RAB8B: variants seen among roughly 807,000 people sequenced by gnomAD.
RAB8B encodes RAB8B, member RAS oncogene family.
RAB8B carries 11 observed loss-of-function variants against 32.0 expected under a neutral mutation model. The ratio of observed to expected loss-of-function variants is 0.34; its 90% CI spans 0.22 to 0.57. RAB8B has a LOEUF of 0.57. Ranked by LOEUF, RAB8B falls within the 20% of genes least tolerant of loss-of-function variation. The probability of loss-of-function intolerance (pLI) is 0.86; values close to 1 mark genes in which losing one functional copy is unlikely to be tolerated. For missense variants in RAB8B, 190 were observed against 258.5 expected (o/e 0.73, Z 1.82); for synonymous variants, 103 against 89.6 (o/e 1.15, Z -0.85).
Position 63,263,661 on chromosome 15 carries a change from T to G in RAB8B, c.*42T>G. On this transcript the variant is annotated 3_prime_UTR_variant, in exon 8 of 8. Coordinates refer to ENST00000321437, the MANE Select transcript of RAB8B (RefSeq NM_016530.3). ...GACTGCAGCACACCTAGAGGGCCCT[T>G]TCCTGCTTCTCTGAAAGCACAGGTC... 9.2e-5 allele frequency: 128 copies of G among 1,390,838 alleles called. No homozygotes were observed. Among genetic ancestry groups the G allele is most frequent in the Middle Eastern group, 1.8e-4 (1 of 5,616 alleles). The allele number at this position is 1,390,838 out of a possible 1,614,324, so 86.2% of individuals were successfully genotyped here.
intron 3 of RAB8B, among the ~76,000 whole-genome samples, chr15:63,250,021 A>C (rs2038103721): frequency 6.6e-6 from 1 of 152,116 alleles, no homozygotes; most frequent in South Asian, 2.1e-4. Context: ...CTGTAGTCCC[A>C]GCTACTCGGG....
intron 2 of RAB8B, among the ~76,000 whole-genome samples, chr15:63,245,753 A>G (rs1382458332): frequency 6.6e-6 from 1 of 152,254 alleles, no homozygotes; most frequent in African/African-American, 2.4e-5. Context: ...GGATTTTGGA[A>G]TATGTGCATA....
Position 63,259,385 on chromosome 15 carries a change from C to G in RAB8B, c.415-242C>G, listed in dbSNP as rs868544423. 9.2e-5 allele frequency among the ~76,000 whole-genome samples: 14 copies of G among 152,234 alleles called. No homozygotes were observed. In the South Asian group the frequency reaches 1.4e-3, roughly 16 times the overall value. On this transcript the variant is annotated intron_variant, in intron 5 of 7. Coordinates refer to ENST00000321437, the MANE Select transcript of RAB8B (RefSeq NM_016530.3). The surrounding 1 kb of genome is among the most constrained non-coding windows in gnomAD (Gnocchi z 4.4). Reference sequence around the variant, plus strand: ...CCGTCTGCCTCGGCCTCCCAAAGTGCGTGAGCCACCATGCCCGGCCTTAAA... The same window carrying G: ...CCGTCTGCCTCGGCCTCCCAAAGTGGGTGAGCCACCATGCCCGGCCTTAAA...
At chr15:63,241,589 C>A (rs1487530544) in intron 1 of RAB8B, among the ~76,000 whole-genome samples, 1 of 152,188 alleles carries the variant, frequency 6.6e-6, no homozygotes, top group African/African-American at 2.4e-5. Context: ...TCTGACACTC[C>A]ATACCTATTA....
At chr15:63,228,521 A>C (rs2037907834) in intron 1 of RAB8B, among the ~76,000 whole-genome samples, 1 of 152,242 alleles carries the variant, frequency 6.6e-6, no homozygotes, top group South Asian at 2.1e-4. Context: ...CATAAAACAC[A>C]GCATGTGAAA....
At chr15:63,222,889 C>T (rs1293878780) in intron 1 of RAB8B, among the ~76,000 whole-genome samples, 2 of 151,990 alleles carry the variant, frequency 1.3e-5, no homozygotes, top group Non-Finnish European at 2.9e-5. Flanking sequence ...CTAGTGACAT[C>T]ATAACTATTG....
chr15:63,258,086 T>C (rs1312442063), intron 5 of RAB8B, among the ~76,000 whole-genome samples: 5 of 150,170 alleles, frequency 3.3e-5, no homozygotes, highest in Non-Finnish European at 7.4e-5. Context: ...AAAAAGTAAT[T>C]AAAAGTAAGT....
intron 1 of RAB8B, among the ~76,000 whole-genome samples, chr15:63,217,782 G>A (rs2037806485): frequency 6.6e-6 from 1 of 151,764 alleles, no homozygotes; most frequent in Admixed American, 6.6e-5. Flanking sequence ...GAGAGAGAAG[G>A]GTAGATCGCT....
chr15:63,256,548 G>A lies in RAB8B; in HGVS notation c.368G>A (p.Cys123Tyr). The change falls in exon 5 of 8, where the codon TGT becomes TAT. Residue 123 changes from cysteine (C) to tyrosine (Y), a missense_variant. By Grantham distance (194) the Cys-to-Tyr change is radical. This residue lies in a region of RAB8B where 110 missense variants were observed against 115.9 expected (regional missense o/e 0.95). Coordinates refer to ENST00000321437, the MANE Select transcript of RAB8B (RefSeq NM_016530.3). ...GAAAGAATGATCCTGGGTAACAAAT[G>A]TGATATGAATGACAAAAGACAAGTG... Reference protein sequence around the residue: ...DVERMILGNKCDMNDKRQVSK... With the variant: ...DVERMILGNKYDMNDKRQVSK... The A allele has an allele frequency of 6.2e-7, 1 of 1,603,944 alleles. No individual in the cohort carries two copies. The highest frequency in any genetic ancestry group is 1.7e-4 in the Middle Eastern group (1 of 6,050).
At chr15:63,214,582 A>G (rs921827175) in intron 1 of RAB8B, among the ~76,000 whole-genome samples, 4 of 152,152 alleles carry the variant, frequency 2.6e-5, no homozygotes, top group African/African-American at 9.7e-5. Flanking sequence ...CCGAGAAGCC[A>G]TCCACCACGG....
chr15:63,214,528 G>C (rs2037775867), intron 1 of RAB8B, among the ~76,000 whole-genome samples: 1 of 151,922 alleles, frequency 6.6e-6, no homozygotes, highest in African/African-American at 2.4e-5. Flanking sequence ...TTGTCCTCAG[G>C]TGATCTGCCC....
intron 1 of RAB8B, among the ~76,000 whole-genome samples, chr15:63,207,240 T>C (rs959805728): frequency 1.3e-5 from 2 of 152,222 alleles, no homozygotes; most frequent in African/African-American, 4.8e-5. Context: ...AGTGCACATA[T>C]CAGATCCATT....
intron 1 of RAB8B, among the ~76,000 whole-genome samples, chr15:63,222,054 T>A (rs898070594): frequency 1.3e-5 from 2 of 152,212 alleles, no homozygotes; most frequent in Non-Finnish European, 2.9e-5. Flanking sequence ...AGCTTCAGAC[T>A]GGGTTCAGCT....
At chr15:63,247,599 G>A (rs1170637815) in intron 2 of RAB8B, among the ~76,000 whole-genome samples, 1 of 152,228 alleles carries the variant, frequency 6.6e-6, no homozygotes, top group East Asian at 1.9e-4. Context: ...TGTTGGTGAT[G>A]TTTGCTGATC....
At chr15:63,249,726 T>C in intron 3 of RAB8B, 21 bp downstream of exon 3, 2 of 1,607,726 alleles carry the variant, frequency 1.2e-6, no homozygotes, top group Non-Finnish European at 1.7e-6. Context: ...TGTAGGGTTT[T>C]GTAACTCTTC....
chr15:63,211,340 T>C (rs1405114946), intron 1 of RAB8B, among the ~76,000 whole-genome samples: 1 of 152,204 alleles, frequency 6.6e-6, no homozygotes, highest in Non-Finnish European at 1.5e-5. Context: ...TCTTGTCCCT[T>C]TCTGAGTTGG....
At chr15:63,262,771 A>G (rs1311399552) in intron 7 of RAB8B, 29 bp downstream of exon 7, 17 of 1,209,494 alleles carry the variant, frequency 1.4e-5, no homozygotes, top group Non-Finnish European at 1.8e-5. Context: ...TTTTATTTCC[A>G]TTATGCTGTC....
intron 1 of RAB8B, 65 bp from the exon 2 acceptor site, chr15:63,244,691 C>T: frequency 7.9e-7 from 1 of 1,270,406 alleles, no homozygotes; most frequent in South Asian, 1.3e-5. Context: ...AAATCTTTGT[C>T]CTCCTAATGA....
chr15:63,223,585 G>A (rs1284631730), intron 1 of RAB8B, among the ~76,000 whole-genome samples: 1 of 152,214 alleles, frequency 6.6e-6, no homozygotes, highest in Non-Finnish European at 1.5e-5. Context: ...TAGACTAGGT[G>A]TGTAGTACAT....
Sources: allele counts gnomAD v4.1 joint callset (sites outside exome capture counted in the v4.1 genomes callset), GRCh38; gene constraint gnomAD v4.1.1; regional missense constraint gnomAD v4.1.1; non-coding constraint Gnocchi (gnomAD v3.1); transcripts MANE v1.5; gene names NCBI Gene and HGNC (gene_info 2026-07-23, HGNC 2026-07-21).